The following ACAD8 variants were observed in gnomAD, a reference collection of about 807,000 sequenced individuals.
ACAD8 encodes the protein acyl-CoA dehydrogenase family member 8, also known as isobutyryl-CoA dehydrogenase, mitochondrial.
Under a neutral mutation model 53.1 loss-of-function variants are expected in ACAD8, and 47 were observed. That is an observed-to-expected ratio of 0.89 (90% CI 0.70 to 1.13). The LOEUF (loss-of-function observed/expected upper bound fraction) is 1.13. Ranked by LOEUF, ACAD8 falls within the 50% of genes most tolerant of loss-of-function variation. The pLI, the probability that ACAD8 is intolerant of heterozygous loss-of-function variation, is 0.00. For synonymous variants in ACAD8, 198 were observed against 201.3 expected (o/e 0.98, Z 0.14); for missense variants, 494 against 535.0 (o/e 0.92, Z 0.76).
intron 10 of ACAD8, chr11:134,264,048 A>G: frequency 1.0e-6 from 1 of 985,010 alleles, no homozygotes; most frequent in Non-Finnish European, 1.2e-6. Flanking sequence ...AAACCTTATA[A>G]AATTAGGAAA....
rs374459415 is a variant in ACAD8, at chr11:134,261,082, C to T, written c.744C>T (p.Phe248=). The T allele has an allele frequency of 1.8e-5, 29 of 1,612,162 alleles. No individual in the cohort carries two copies. The highest frequency in any genetic ancestry group is 5.3e-5 in the African/African-American group (4 of 74,882). The change falls in exon 7 of 11, where the codon TTC becomes TTT. Residue 248 remains phenylalanine (F), a synonymous_variant. Transcript: ENST00000281182. This position sits in a 1 kb window ranked among gnomAD's most constrained non-coding sequence, Gnocchi z 4.2. ...CCCAGCCAACACGAGCTGTGATCTT[C>T]GAAGACTGTGCTGTCCCTGTGGCCA... The part of the protein sequence containing the change: ...WNSQPTRAVI[F]EDCAVPVANR...
chr11:134,260,665 G>A, intron 6 of ACAD8: 1 of 348,498 alleles, frequency 2.9e-6, no homozygotes, highest in African/African-American at 2.1e-5. Flanking sequence ...AGGAAATGAT[G>A]TAAAGGCAGT....
At chr11:134,255,789 C>A (rs547349555) in intron 1 of ACAD8, among the ~76,000 whole-genome samples, 1 of 152,364 alleles carries the variant, frequency 6.6e-6, no homozygotes, top group South Asian at 2.1e-4. Context: ...AGATTTGCCC[C>A]AAGGAACAGA....
In ACAD8 at chr11:134,261,099, C is replaced by A. The variant is rs1411042014; in HGVS notation, c.761C>A (p.Pro254His). The change falls in exon 7 of 11, where the codon CCT becomes CAT. Residue 254 changes from proline to histidine, a missense_variant. Physicochemically the swap from Pro to His is moderately conservative, Grantham distance 77 (BLOSUM62 -2). Coordinates refer to ENST00000281182, the MANE Select transcript of ACAD8 (RefSeq NM_014384.3). This position sits in a 1 kb window ranked among gnomAD's most constrained non-coding sequence, Gnocchi z 4.2. Reference sequence around the variant, plus strand: ...GTGATCTTCGAAGACTGTGCTGTCCCTGTGGCCAACAGAATTGGGAGCGAG... The same window carrying A: ...GTGATCTTCGAAGACTGTGCTGTCCATGTGGCCAACAGAATTGGGAGCGAG... ...RAVIFEDCAVPVANRIGSEGQ... is the reference protein window; with the variant it reads ...RAVIFEDCAVHVANRIGSEGQ... 1 of 1,612,140 alleles carries A rather than the reference C, an allele frequency of 6.2e-7. No homozygotes were observed. Among genetic ancestry groups the A allele is most frequent in the African/African-American group, 1.3e-5 (1 of 75,034 alleles).
chr11:134,255,232 G>A (rs1454198825), intron 1 of ACAD8, among the ~76,000 whole-genome samples: 6 of 152,192 alleles, frequency 3.9e-5, no homozygotes, highest in South Asian at 2.1e-4. Context: ...TGCCCCACGG[G>A]TTCAAGCAAT....
chr11:134,261,475 G>T lies in ACAD8; in HGVS notation c.939+103G>T, dbSNP rs1939878308. ...GAGAAGCCAGGAAATTCCTCTGTCAGTCCCACCACTGTCCTAGCCAGAGCT... is the reference window on the plus strand; with the variant it reads ...GAGAAGCCAGGAAATTCCTCTGTCATTCCCACCACTGTCCTAGCCAGAGCT... On this transcript the variant is annotated intron_variant, in intron 8 of 10. Coordinates refer to ENST00000281182, the MANE Select transcript of ACAD8 (RefSeq NM_014384.3). The surrounding 1 kb of genome is among the most constrained non-coding windows in gnomAD (Gnocchi z 4.2). 6.6e-7 allele frequency: 1 copy of T among 1,509,592 alleles called. No homozygotes were observed. The highest frequency in any genetic ancestry group is 1.4e-5 in the African/African-American group (1 of 72,920). The allele number at this position is 1,509,592 out of a possible 1,614,324, so 93.5% of individuals were successfully genotyped here. A position where few individuals can be genotyped will look rare whatever the true frequency, so the allele number is the denominator to read the frequency against.
chr11:134,265,078 A>G lies in ACAD8; in HGVS notation c.*118A>G, dbSNP rs1179775208. ...TTAGACCCAAGGGCTGAGCTCCTCT[A>G]GGGCAGGACCTGCACCCTGTGTGTT... On this transcript the variant is annotated 3_prime_UTR_variant, in exon 11 of 11. Transcript: ENST00000281182. 8.7e-7 allele frequency: 1 copy of G among 1,144,634 alleles called. No individual in the cohort carries two copies. The highest frequency in any genetic ancestry group is 1.3e-6 in the Non-Finnish European group (1 of 759,108). 70.9% of individuals were successfully genotyped at this position (1,144,634 alleles called of 1,614,324 possible).
Position 134,262,542 on chromosome 11 carries a change from T to G in ACAD8, c.1115T>G (p.Met372Arg). The G allele has an allele frequency of 1.2e-6, 2 of 1,614,004 alleles. No homozygotes were observed. Among genetic ancestry groups the G allele is most frequent in the Non-Finnish European group, 1.7e-6 (2 of 1,179,958 alleles). Residue 372 changes from methionine (M) to arginine (R), a missense_variant, in exon 10 of 11, where the codon ATG becomes AGG. By Grantham distance (91) the Met-to-Arg change is moderately conservative (BLOSUM62 -1). Transcript: ENST00000281182. ...CAGATCTGCAACCAGGCCTTGCAGA[T>G]GCACGGGGGCTACGGCTACCTGAAG... ...CFAICNQALQ[M>R]HGGYGYLKDY...
At chr11:134,253,876 C>T (rs1262250377) in intron 1 of ACAD8, among the ~76,000 whole-genome samples, 167 bp downstream of exon 1, 1 of 151,018 alleles carries the variant, frequency 6.6e-6, no homozygotes, top group Non-Finnish European at 1.5e-5. Flanking sequence ...TCACCCCCGG[C>T]CTGGCTGCCC....
intron 1 of ACAD8, among the ~76,000 whole-genome samples, chr11:134,255,246 TG>T (rs1235690400): frequency 6.6e-6 from 1 of 152,154 alleles, no homozygotes; most frequent in African/African-American, 2.4e-5. Flanking sequence ...AAGCAATTCT[TG>T]TGCCTCAGCC....
chr11:134,262,634 C>T lies in ACAD8; in HGVS notation c.1195+12C>T, dbSNP rs75333832. The T allele has an allele frequency of 8.3e-3, 13,372 of 1,609,356 alleles. 961 individuals are homozygous for T. The African/African-American group carries it at 0.16, about 19-fold the overall frequency. On this transcript the variant is annotated intron_variant, in intron 10 of 10. Transcript: ENST00000281182. ...CCAGATTCTAGAAGGTAAAAATTGCCAGAGGTTATTCTCTTCCCTTCAGAA... is the reference window on the plus strand; with the variant it reads ...CCAGATTCTAGAAGGTAAAAATTGCTAGAGGTTATTCTCTTCCCTTCAGAA...
At chr11:134,256,107 A>G (rs191060876) in intron 1 of ACAD8, among the ~76,000 whole-genome samples, 3,058 of 152,196 alleles carry the variant, frequency 0.02, 108 homozygotes, top group African/African-American at 0.069. Context: ...GGGTTTTTCC[A>G]TGTTGGTCAG....
intron 10 of ACAD8, 48 bp from the exon 11 acceptor site, chr11:134,264,860 C>G (rs774209828): frequency 1.1e-5 from 18 of 1,573,180 alleles, no homozygotes; most frequent in Non-Finnish European, 1.6e-5. Context: ...TTACTAAACT[C>G]TCAGACTTTG....
In ACAD8 at chr11:134,261,859, C is replaced by T; in HGVS notation, c.1061C>T (p.Ala354Val). ...RKDAVALCSM[A>V]KLFATDECFA... Reference sequence around the variant, plus strand: ...GATGCAGTGGCCTTGTGCTCCATGGCCAAGCTCTTTGCTACAGATGAATGC... The same window carrying T: ...GATGCAGTGGCCTTGTGCTCCATGGTCAAGCTCTTTGCTACAGATGAATGC... Residue 354 changes from alanine to valine, a missense_variant, in exon 9 of 11, where the codon GCC becomes GTC. Ala to Val is a moderately conservative substitution (Grantham distance 64). Transcript: ENST00000281182. This position sits in a 1 kb window ranked among gnomAD's most constrained non-coding sequence, Gnocchi z 4.2. The T allele has an allele frequency of 1.2e-6, 2 of 1,614,170 alleles. No individual in the cohort carries two copies. The highest frequency in any genetic ancestry group is 8.5e-7 in the Non-Finnish European group (1 of 1,180,034).
chr11:134,260,708 T>TC, intron 6 of ACAD8: 2 of 383,658 alleles, frequency 5.2e-6, no homozygotes. Flanking sequence ...ACTGGGAGAT[T>TC]GTAGATAGTT....
intron 6 of ACAD8, chr11:134,260,103 G>A (rs1194310653): frequency 1.7e-6 from 2 of 1,188,738 alleles, no homozygotes; most frequent in African/African-American, 3.2e-5. Flanking sequence ...ACAAGTCTCA[G>A]TAATGGAAGG....
chr11:134,263,695 G>A (rs1017311763), intron 10 of ACAD8: 35 of 985,242 alleles, frequency 3.6e-5, no homozygotes, highest in Middle Eastern at 5.2e-4. Flanking sequence ...CTTTATGTGC[G>A]TAGGAAACTT....
chr11:134,264,092 C>G (rs996920571), intron 10 of ACAD8: 1 of 973,186 alleles, frequency 1.0e-6, no homozygotes, highest in Non-Finnish European at 1.2e-6. Context: ...TGTCTATAAT[C>G]GCCGCACTTT....
At chr11:134,263,403 C>T (rs1411362259) in intron 10 of ACAD8, 2 of 986,346 alleles carry the variant, frequency 2.0e-6, no homozygotes, top group African/African-American at 1.7e-5. Flanking sequence ...TTGCGGGCCT[C>T]AACCCCAGAG....
Sources: allele counts gnomAD v4.1 joint callset (sites outside exome capture counted in the v4.1 genomes callset), GRCh38; gene constraint gnomAD v4.1.1; non-coding constraint Gnocchi (gnomAD v3.1); transcripts MANE v1.5; gene names NCBI Gene and HGNC (gene_info 2026-07-23, HGNC 2026-07-21).